The following LAMC2 variants were observed in gnomAD, a reference collection of about 807,000 sequenced individuals.
LAMC2 encodes the protein laminin subunit gamma-2.
A neutral mutation model predicts 140.2 loss-of-function variants in LAMC2; 97 were observed. The observed-to-expected ratio is 0.69, with a 90% CI of 0.59 to 0.82. LAMC2 has a LOEUF of 0.82. LAMC2 is among the 40% of genes least tolerant of loss of function. The pLI, the probability that LAMC2 is intolerant of heterozygous loss-of-function variation, is 0.00. For missense variants in LAMC2, 1,402 were observed against 1,476.1 expected (o/e 0.95, Z 0.82); for synonymous variants, 513 against 540.2 (o/e 0.95, Z 0.70).
chr1:183,241,286 C>A (rs1660131205), intron 22 of LAMC2: 1 of 983,954 alleles, frequency 1.0e-6, no homozygotes, highest in East Asian at 1.1e-4. Context: ...GAATCACTTG[C>A]CGATTTTACA....
At chr1:183,218,947 C>T (rs1019121078) in intron 4 of LAMC2, among the ~76,000 whole-genome samples, 3 of 152,182 alleles carry the variant, frequency 2.0e-5, no homozygotes, top group African/African-American at 7.2e-5. Context: ...GAGGCACTGC[C>T]CTGGGGATAG....
intron 1 of LAMC2, among the ~76,000 whole-genome samples, chr1:183,198,211 G>A (rs1356575117): frequency 1.3e-5 from 2 of 148,456 alleles, no homozygotes; most frequent in Admixed American, 6.8e-5. Context: ...TCGTGATCTC[G>A]GCTTACTGCA....
chr1:183,240,416 C>T (rs367694398), intron 22 of LAMC2, 25 bp downstream of exon 22: 279 of 1,613,804 alleles, frequency 1.7e-4, no homozygotes, highest in Middle Eastern at 5.0e-4. Context: ...AACCCACAAC[C>T]TTCCAGCTCC....
At position 183,243,280 on chromosome 1, in the gene LAMC2, C is replaced by G. The variant is rs1190506448; in HGVS notation, c.3462C>G (p.Gly1154=). 5.0e-6 allele frequency: 8 copies of G among 1,614,162 alleles called. No individual in the cohort carries two copies. The highest frequency in any genetic ancestry group is 1.7e-5 in the Admixed American group (1 of 60,014). ...AAGAGAGGGCACGTCAGCAGAGGGG[C>G]CACCTCCATTTGCTGGAGACAAGCA... ...ELEERARQQR[G]HLHLLETSID... Residue 1154 remains glycine (G), a synonymous_variant, in exon 23 of 23, where the codon GGC becomes GGG. Coordinates refer to ENST00000264144, the MANE Select transcript of LAMC2 (RefSeq NM_005562.3).
chr1:183,233,211 G>A (rs1659851537), intron 14 of LAMC2, among the ~76,000 whole-genome samples: 1 of 151,940 alleles, frequency 6.6e-6, no homozygotes, highest in Admixed American at 6.6e-5. Context: ...ACAGTGTATA[G>A]CTGTGGTAAA....
At position 183,227,641 on chromosome 1, in the gene LAMC2, C is replaced by T; in HGVS notation, c.1412C>T (p.Ser471Leu). 1 of 1,614,162 alleles carries T rather than the reference C, an allele frequency of 6.2e-7. No individual in the cohort carries two copies. Among genetic ancestry groups the T allele is most frequent in the Non-Finnish European group, 8.5e-7 (1 of 1,180,036 alleles). ...PCPCHNGFSC[S>L]VMPETEEVVC... is the part of the protein sequence containing the mutation. ...CCCTGTCATAACGGGTTCAGCTGCT[C>T]AGTGATGCCGGAGACGGAGGAGGTG... is the stretch of plus-strand genomic sequence containing the variant. The change falls in exon 10 of 23, where the codon TCA becomes TTA. Residue 471 changes from serine to leucine, a missense_variant. Physicochemically the swap from Ser to Leu is moderately radical, Grantham distance 145 (BLOSUM62 -2). Transcript: ENST00000264144.
At chr1:183,217,787 G>T (rs1449956726) in intron 3 of LAMC2, among the ~76,000 whole-genome samples, 2 of 152,200 alleles carry the variant, frequency 1.3e-5, no homozygotes, top group African/African-American at 2.4e-5. Flanking sequence ...CTGCTAAAGG[G>T]CACAGGATTT....
At chr1:183,258,185 A>G in the LAMC2 span, among the ~76,000 whole-genome samples, 2 of 152,154 alleles carry the variant, frequency 1.3e-5, no homozygotes, top group African/African-American at 4.8e-5. Flanking sequence ...GTTTTTTTCC[A>G]GCCTTGGTCT....
chr1:183,253,678 G>A, the LAMC2 span, among the ~76,000 whole-genome samples: 479 of 150,514 alleles, frequency 3.2e-3, 1 homozygote, highest in Middle Eastern at 6.9e-3. Context: ...TTGCTGCTTT[G>A]TATCCTTTGA....
intron 1 of LAMC2, among the ~76,000 whole-genome samples, chr1:183,205,276 G>A (rs574112916): frequency 5.9e-5 from 9 of 152,150 alleles, no homozygotes; most frequent in South Asian, 2.1e-4. Flanking sequence ...GCTCTTGTAC[G>A]TGCATAGTCA....
chr1:183,226,259 T>G (rs1659623082), intron 8 of LAMC2, among the ~76,000 whole-genome samples: 2 of 152,070 alleles, frequency 1.3e-5, no homozygotes, highest in Admixed American at 6.6e-5. Context: ...GTGGCTAGCA[T>G]GCACCATTTC....
downstream of LAMC2, among the ~76,000 whole-genome samples, chr1:183,247,529 CAA>C (rs371988499): frequency 6.9e-3 from 732 of 105,914 alleles, 7 homozygotes; most frequent in African/African-American, 0.02. Context: ...AATTTTAAGC[CAA>C]AAAAAAAAAA....
Position 183,186,287 on chromosome 1 carries a change from C to T in LAMC2, c.-66C>T. 6.5e-7 allele frequency: 1 copy of T among 1,538,968 alleles called. No individual in the cohort carries two copies. Among genetic ancestry groups the T allele is most frequent in the African/African-American group, 1.4e-5 (1 of 73,832 alleles). Reference sequence around the variant, plus strand: ...GCACAGCGGAGCGCAGAGTGAGAACCACCAACCGAGGCGCCGGGCAGCGAC... The same window carrying T: ...GCACAGCGGAGCGCAGAGTGAGAACTACCAACCGAGGCGCCGGGCAGCGAC... On this transcript the variant is annotated 5_prime_UTR_variant, in exon 1 of 23. Coordinates refer to ENST00000264144, the MANE Select transcript of LAMC2 (RefSeq NM_005562.3).
intron 20 of LAMC2, 57 bp from the exon 21 acceptor site, chr1:183,239,983 G>A: frequency 1.9e-6 from 3 of 1,598,078 alleles, no homozygotes; most frequent in African/African-American, 1.3e-5. Flanking sequence ...TCTTTGGGAT[G>A]TTTTTGTGCC....
rs1466210104 is a variant in LAMC2, at chr1:183,223,213, A to G, written c.842A>G (p.His281Arg). The change falls in exon 7 of 23, where the codon CAC (histidine) becomes CGC (arginine). Residue 281 changes from histidine (H) to arginine (R), a missense_variant. By Grantham distance (29) the His-to-Arg change is conservative. Coordinates refer to ENST00000264144, the MANE Select transcript of LAMC2 (RefSeq NM_005562.3). ...FDYRVDRGGR[H>R]PSAHDVILEG... is the part of the protein sequence containing the mutation. ...TACCGTGTGGACAGAGGAGGCAGAC[A>G]CCCATCTGCCCATGATGTGATTCTG... is the stretch of plus-strand genomic sequence containing the variant. The G allele has an allele frequency of 6.2e-7, 1 of 1,613,754 alleles. No homozygotes were observed. Among genetic ancestry groups the G allele is most frequent in the Non-Finnish European group, 8.5e-7 (1 of 1,179,646 alleles).
the LAMC2 span, chr1:183,252,408 C>T: frequency 6.4e-6 from 3 of 469,748 alleles, no homozygotes; most frequent in Non-Finnish European, 7.9e-6. Context: ...CCCCGACTCC[C>T]ACCCCATTCC....
At chr1:183,215,208 A>G (rs1393446122) in intron 2 of LAMC2, among the ~76,000 whole-genome samples, 1 of 152,180 alleles carries the variant, frequency 6.6e-6, no homozygotes, top group Non-Finnish European at 1.5e-5. Flanking sequence ...TACTGTCACA[A>G]TCAGAGCAGA....
At chr1:183,232,046 C>T in intron 12 of LAMC2, 141 bp from the exon 13 acceptor site, 1 of 984,762 alleles carries the variant, frequency 1.0e-6, no homozygotes, top group Non-Finnish European at 1.6e-6. Flanking sequence ...ACTCTCTAGG[C>T]TCCAGGGTCT....
chr1:183,198,861 A>G (rs1658610583), intron 1 of LAMC2, among the ~76,000 whole-genome samples: 1 of 152,202 alleles, frequency 6.6e-6, no homozygotes, highest in Admixed American at 6.5e-5. Context: ...TTCATCTGGT[A>G]TGAGCAGCAA....
Sources: allele counts gnomAD v4.1 joint callset (sites outside exome capture counted in the v4.1 genomes callset), GRCh38; gene constraint gnomAD v4.1.1; transcripts MANE v1.5; gene names NCBI Gene and HGNC (gene_info 2026-07-23, HGNC 2026-07-21).